RARB: variants seen among roughly 807,000 people sequenced by gnomAD.
RARB encodes the protein HBV-activated protein.
In RARB, 17 loss-of-function variants were observed where a neutral mutation model predicts 51.9. That is an observed-to-expected ratio of 0.33 (90% CI 0.22 to 0.49). The LOEUF is 0.49. Ranked by LOEUF, RARB falls within the 20% of genes least tolerant of loss-of-function variation. RARB has a pLI of 0.99. For synonymous variants in RARB, 215 were observed against 195.4 expected (o/e 1.10, Z -0.84); for missense variants, 369 against 550.8 (o/e 0.67, Z 3.30).
intron 2 of RARB, among the ~76,000 whole-genome samples, chr3:24,939,862 G>A (rs1458164053): frequency 6.6e-6 from 1 of 152,140 alleles, no homozygotes; most frequent in African/African-American, 2.4e-5. Flanking sequence ...GTATGACCAT[G>A]ACTACTAACA....
At chr3:25,590,473 G>A (rs138975215) in intron 5 of RARB, among the ~76,000 whole-genome samples, 13 of 152,222 alleles carry the variant, frequency 8.5e-5, no homozygotes, top group East Asian at 1.9e-4. Context: ...GACTAGAAAC[G>A]TATCCCAGGA....
intron 1 of RARB, among the ~76,000 whole-genome samples, chr3:25,436,464 GC>G (rs1241815952): frequency 1.3e-5 from 2 of 152,144 alleles, no homozygotes; most frequent in Non-Finnish European, 2.9e-5. Context: ...GAAACTAACT[GC>G]TGTATCAAAT....
chr3:25,003,200 A>C (rs1281547296), intron 2 of RARB, among the ~76,000 whole-genome samples: 1 of 151,910 alleles, frequency 6.6e-6, no homozygotes, highest in Non-Finnish European at 1.5e-5. Flanking sequence ...AATGCAAAAA[A>C]AAAAAAAAAC....
chr3:25,395,931 C>A (rs982632244), intron 5 of RARB, among the ~76,000 whole-genome samples: 4 of 152,080 alleles, frequency 2.6e-5, no homozygotes, highest in East Asian at 1.9e-4. Context: ...AGTTAAAAAA[C>A]CTTGTTTTGT....
intron 5 of RARB, among the ~76,000 whole-genome samples, chr3:25,330,733 G>A (rs1016005275): frequency 2.0e-5 from 3 of 152,134 alleles, no homozygotes; most frequent in African/African-American, 7.2e-5. Flanking sequence ...TGGATAAAGA[G>A]TCAAGACCCA....
At position 25,341,230 on chromosome 3, in the gene RARB, T is replaced by A. The variant is rs192218574; in HGVS notation, c.179-119963T>A. 1.6e-3 allele frequency among the ~76,000 whole-genome samples: 250 copies of A among 152,286 alleles called. 1 individual carries two copies. Among genetic ancestry groups the A allele is most frequent in the African/African-American group, 5.7e-3 (238 of 41,552 alleles). On this transcript the variant is annotated intron_variant, in intron 5 of 11. Coordinates refer to the RARB transcript ENST00000383772. ...CTGGCATGAAGCAGACCTTTAATAC[T>A]TGTCTCTGGAGTGCTCAAAAGAAAG...
rs115434521 is a variant in RARB, at chr3:24,861,488, G to A, written c.-380+2736G>A. Reference sequence around the variant, plus strand: ...ATAATCAAGGACCTCAAAGATCTATGTATACAGTTATGCCTATTGATATTT... The same window carrying A: ...ATAATCAAGGACCTCAAAGATCTATATATACAGTTATGCCTATTGATATTT... On this transcript the variant is annotated intron_variant, in intron 2 of 11. Transcript: ENST00000383772. 6.6e-3 allele frequency among the ~76,000 whole-genome samples: 994 copies of A among 151,112 alleles called. 6 individuals carry two copies. Among genetic ancestry groups the A allele is most frequent in the Non-Finnish European group, 0.011 (743 of 67,858 alleles).
chr3:25,234,402 C>T (rs1474337868), intron 5 of RARB, among the ~76,000 whole-genome samples: 1 of 151,504 alleles, frequency 6.6e-6, no homozygotes, highest in Non-Finnish European at 1.5e-5. Context: ...TGCATCTCCT[C>T]TCTCTGTTTG....
intron 1 of RARB, among the ~76,000 whole-genome samples, chr3:25,429,759 T>C (rs963794108): frequency 2.6e-5 from 4 of 152,216 alleles, no homozygotes; most frequent in Admixed American, 6.5e-5. Flanking sequence ...GCTTGAGAAA[T>C]GATCAGGAGT....
At chr3:25,357,192 T>G (rs1705769177) in intron 5 of RARB, among the ~76,000 whole-genome samples, 1 of 152,236 alleles carries the variant, frequency 6.6e-6, no homozygotes, top group South Asian at 2.1e-4. Context: ...TCCTGACTTT[T>G]TAATGATCGC....
intron 5 of RARB, among the ~76,000 whole-genome samples, chr3:25,375,698 A>G (rs1156791610): frequency 6.6e-6 from 1 of 152,146 alleles, no homozygotes; most frequent in African/African-American, 2.4e-5. Flanking sequence ...TAGTTGAGAG[A>G]ATCTCTACAG....
At chr3:24,938,259 C>G (rs1165775096) in intron 2 of RARB, among the ~76,000 whole-genome samples, 1 of 152,142 alleles carries the variant, frequency 6.6e-6, no homozygotes, top group East Asian at 1.9e-4. Context: ...AATTTTCTAT[C>G]TACAATCTAT....
chr3:25,500,600 C>T (rs9843863), intron 2 of RARB, among the ~76,000 whole-genome samples: 32,869 of 151,364 alleles, frequency 0.22, 3,861 homozygotes, highest in East Asian at 0.34. Context: ...CTGCCTCAGC[C>T]TCCCAAGGGC....
In RARB at chr3:25,435,876, A is replaced by G. The variant is rs970157713; in HGVS notation, c.157+6988A>G. Among the ~76,000 whole-genome samples, 4 of 152,328 alleles carry G rather than the reference A, an allele frequency of 2.6e-5. No individual in the cohort carries two copies. The East Asian group carries it at 7.7e-4, about 29-fold the overall frequency. On this transcript the variant is annotated intron_variant, in intron 1 of 7. Coordinates refer to ENST00000330688, the MANE Select transcript of RARB (RefSeq NM_000965.5). ...TTTGCATTTTAATTATATATACATT[A>G]TATTACAGTAGTCGTGCCATGGAGC...
At chr3:25,042,817 A>G (rs56212300) in intron 2 of RARB, among the ~76,000 whole-genome samples, 4,032 of 152,276 alleles carry the variant, frequency 0.026, 72 homozygotes, top group Middle Eastern at 0.054. Flanking sequence ...TATCCTTCAT[A>G]ACTGAAACTT....
intron 4 of RARB, among the ~76,000 whole-genome samples, chr3:25,167,628 C>T (rs1317775440): frequency 6.6e-6 from 1 of 152,154 alleles, no homozygotes; most frequent in Admixed American, 6.5e-5. Flanking sequence ...ACTCCTCTAC[C>T]AATTTTATCT....
intron 5 of RARB, among the ~76,000 whole-genome samples, chr3:25,204,374 C>A (rs1701475719): frequency 1.3e-5 from 2 of 152,204 alleles, no homozygotes; most frequent in Non-Finnish European, 2.9e-5. Flanking sequence ...GTTTGAACTT[C>A]TTCCTTTAGC....
chr3:25,256,648 C>A (rs1310974593), intron 5 of RARB, among the ~76,000 whole-genome samples: 1 of 151,974 alleles, frequency 6.6e-6, no homozygotes, highest in African/African-American at 2.4e-5. Context: ...GACCAAAACT[C>A]AAAGGACAGT....
At chr3:25,446,426 A>C (rs1013473806) in intron 1 of RARB, among the ~76,000 whole-genome samples, 4 of 152,230 alleles carry the variant, frequency 2.6e-5, no homozygotes, top group East Asian at 1.9e-4. Flanking sequence ...GAGTTGAATG[A>C]CTGTGACAGA....
Sources: allele counts gnomAD v4.1 joint callset (sites outside exome capture counted in the v4.1 genomes callset), GRCh38; gene constraint gnomAD v4.1.1; transcripts MANE v1.5; gene names NCBI Gene and HGNC (gene_info 2026-07-23, HGNC 2026-07-21).